TET2: variants seen among roughly 807,000 people sequenced by gnomAD.
TET2 encodes the protein methylcytosine dioxygenase TET2.
Under a neutral mutation model 142.9 loss-of-function variants are expected in TET2, and 299 were observed. The ratio of observed to expected loss-of-function variants is 2.09; its 90% CI spans 1.90 to 2.30. TET2 has a LOEUF of 2.30. TET2 is among the 30% of genes most tolerant of loss of function. The pLI is 0.00. For missense variants in TET2, 2,418 were observed against 2,378.0 expected (o/e 1.02, Z -0.35); for synonymous variants, 819 against 849.0 (o/e 0.96, Z 0.61).
intron 1 of TET2, among the ~76,000 whole-genome samples, chr4:105,184,089 A>T (rs1725281895): frequency 6.6e-6 from 1 of 152,200 alleles, no homozygotes; most frequent in Non-Finnish European, 1.5e-5. Context: ...AGTATTAGCC[A>T]GTGTCAGAAT....
intron 1 of TET2, among the ~76,000 whole-genome samples, chr4:105,156,679 G>A (rs565710815): frequency 6.6e-6 from 1 of 152,272 alleles, no homozygotes; most frequent in Admixed American, 6.5e-5. Context: ...TAGGGATAAT[G>A]AAAGCCAGAT....
Position 105,275,996 on chromosome 4 carries a change from C to T in TET2, c.5486C>T (p.Pro1829Leu). The change falls in exon 11 of 11, where the codon CCA (proline) becomes CTA (leucine). Residue 1829 changes from proline (P) to leucine (L), a missense_variant. Pro to Leu is a moderately conservative substitution (Grantham distance 98). Coordinates refer to ENST00000380013, the MANE Select transcript of TET2 (RefSeq NM_001127208.3). ...LSDANGQEKQ[P>L]LALVQGVASG... ...GATGCTAATGGTCAGGAAAAGCAGC[C>T]ATTGGCACTAGTCCAGGGTGTGGCT... The T allele has an allele frequency of 1.3e-6, 2 of 1,551,736 alleles. No individual in the cohort carries two copies. Among genetic ancestry groups the T allele is most frequent in the Non-Finnish European group, 1.7e-6 (2 of 1,146,998 alleles).
At position 105,277,748 on chromosome 4, in the gene TET2, A is replaced by C. The variant is rs1731287317; in HGVS notation, c.*1229A>C. 1 of 228,066 alleles carries C rather than the reference A, an allele frequency of 4.4e-6. No homozygotes were observed. Among genetic ancestry groups the C allele is most frequent in the Admixed American group, 5.7e-5 (1 of 17,606 alleles). 14.1% of individuals were successfully genotyped at this position (228,066 alleles called of 1,614,324 possible). On this transcript the variant is annotated 3_prime_UTR_variant, in exon 11 of 11. Transcript: ENST00000380013. ...ACAAGTTCATTGCTCAAAAATGTACAGTTTTAAGAATTTTCTATTAACTGC... is the reference window on the plus strand; with the variant it reads ...ACAAGTTCATTGCTCAAAAATGTACCGTTTTAAGAATTTTCTATTAACTGC...
At chr4:105,175,279 A>G (rs920773586) in intron 1 of TET2, among the ~76,000 whole-genome samples, 2 of 152,178 alleles carry the variant, frequency 1.3e-5, no homozygotes, top group African/African-American at 4.8e-5. Flanking sequence ...GAATTATCAG[A>G]CCAGAAACTT....
At chr4:105,224,726 C>CTCTCTCTCTCTG (rs1728079340) in intron 2 of TET2, among the ~76,000 whole-genome samples, 1 of 148,042 alleles carries the variant, frequency 6.8e-6, no homozygotes, top group African/African-American at 2.5e-5. Flanking sequence ...CTCTCTCTCT[C>CTCTCTCTCTCTG]TGTCTCGTAG....
At chr4:105,198,898 G>A (rs1056503327) in intron 2 of TET2, among the ~76,000 whole-genome samples, 22 of 152,138 alleles carry the variant, frequency 1.4e-4, no homozygotes, top group Non-Finnish European at 3.2e-4. Flanking sequence ...GAACCTCAGA[G>A]ATACTTAATT....
chr4:105,205,864 C>A (rs1285031614), intron 2 of TET2, among the ~76,000 whole-genome samples: 8 of 152,146 alleles, frequency 5.3e-5, no homozygotes, highest in Non-Finnish European at 1.2e-4. Flanking sequence ...AAACTCCCAA[C>A]CTCAGGTGAT....
At chr4:105,180,230 A>G (rs575730486) in intron 1 of TET2, among the ~76,000 whole-genome samples, 2 of 152,326 alleles carry the variant, frequency 1.3e-5, no homozygotes, top group Non-Finnish European at 2.9e-5. Flanking sequence ...AGGACTTTTC[A>G]GACAAGCTTC....
chr4:105,262,541 T>G (rs1578721241), intron 8 of TET2, among the ~76,000 whole-genome samples: 1 of 152,182 alleles, frequency 6.6e-6, no homozygotes, highest in African/African-American at 2.4e-5. Context: ...CTGTGTTTAG[T>G]CACTGGGAAC....
At chr4:105,195,940 G>A (rs1482018236) in intron 2 of TET2, among the ~76,000 whole-genome samples, 3 of 152,006 alleles carry the variant, frequency 2.0e-5, no homozygotes, top group Non-Finnish European at 2.9e-5. Flanking sequence ...ACTTGTACAC[G>A]TGCACATACT....
chr4:105,179,400 G>C (rs1007807347), intron 1 of TET2, among the ~76,000 whole-genome samples: 1 of 152,090 alleles, frequency 6.6e-6, no homozygotes, highest in Admixed American at 6.6e-5. Flanking sequence ...GGTGATGGGG[G>C]ATATCCATGA....
intron 4 of TET2, chr4:105,242,523 A>G: frequency 8.8e-7 from 1 of 1,142,324 alleles, no homozygotes; most frequent in Non-Finnish European, 1.1e-6. Flanking sequence ...AGAAGACTGA[A>G]CTTAGCAAAC....
chr4:105,238,011 C>G, intron 3 of TET2: 1 of 752,740 alleles, frequency 1.3e-6, no homozygotes, highest in Non-Finnish European at 1.7e-6. Flanking sequence ...GGGTTTGGCT[C>G]CATACCACAA....
intron 1 of TET2, among the ~76,000 whole-genome samples, chr4:105,178,691 A>G (rs1724947933): frequency 6.6e-6 from 1 of 152,148 alleles, no homozygotes; most frequent in African/African-American, 2.4e-5. Context: ...GGAACTTTCT[A>G]CTGTTTTACT....
chr4:105,259,085 T>TTTTGC, intron 6 of TET2, among the ~76,000 whole-genome samples: 1 of 152,204 alleles, frequency 6.6e-6, no homozygotes, highest in South Asian at 2.1e-4. Flanking sequence ...ATATATCAAG[T>TTTTGC]ATAAAAGTAG....
At position 105,279,298 on chromosome 4, in the gene TET2, G is replaced by C. The variant is rs981521424; in HGVS notation, c.*2779G>C. 17 of 231,836 alleles carry C rather than the reference G, an allele frequency of 7.3e-5. No homozygotes were observed. The highest frequency in any genetic ancestry group is 1.4e-4 in the Non-Finnish European group (16 of 117,362). The allele number at this position is 231,836 out of a possible 1,614,324, so 14.4% of individuals were successfully genotyped here. A position where few individuals can be genotyped will look rare whatever the true frequency, so the allele number is the denominator to read the frequency against. On this transcript the variant is annotated 3_prime_UTR_variant, in exon 11 of 11. Coordinates refer to ENST00000380013, the MANE Select transcript of TET2 (RefSeq NM_001127208.3). Reference sequence around the variant, plus strand: ...ACAGGAAGTATAGTTTGGGGGGTTGGGGAGAGTTTACATAAGGAAGAGAAG... The same window carrying C: ...ACAGGAAGTATAGTTTGGGGGGTTGCGGAGAGTTTACATAAGGAAGAGAAG...
intron 3 of TET2, chr4:105,240,876 G>A: frequency 6.5e-6 from 7 of 1,079,898 alleles, no homozygotes; most frequent in Non-Finnish European, 8.0e-6. Flanking sequence ...AGAAAAAGGG[G>A]TATCCTTGAC....
At chr4:105,176,677 G>A (rs1226920354) in intron 1 of TET2, among the ~76,000 whole-genome samples, 9 of 152,116 alleles carry the variant, frequency 5.9e-5, no homozygotes. Flanking sequence ...TCATTGTCAA[G>A]ATGTCAGTTC....
At chr4:105,264,614 T>C (rs959324035) in intron 8 of TET2, among the ~76,000 whole-genome samples, 6 of 152,210 alleles carry the variant, frequency 3.9e-5, no homozygotes, top group African/African-American at 1.2e-4. Flanking sequence ...AATGTGTTGA[T>C]GTAATGTCTA....
Sources: gnomAD v4.1 joint callset for allele counts (sites outside exome capture counted in the v4.1 genomes callset) on GRCh38, gnomAD v4.1.1 for gene constraint, MANE v1.5 for transcripts, NCBI Gene and HGNC (gene_info 2026-07-23, HGNC 2026-07-21) for gene names.